Variants in NCALD observed in about 807,000 individuals in gnomAD.
NCALD encodes the protein neurocalcin delta, also known as neurocalcin-delta.
Under a neutral mutation model 18.6 loss-of-function variants are expected in NCALD, and 10 were observed. That is an observed-to-expected ratio of 0.54 (90% confidence interval 0.33 to 0.91). NCALD has a LOEUF of 0.91. Ranked by LOEUF, NCALD falls within the 40% of genes least tolerant of loss-of-function variation. NCALD has a pLI of 0.03. For missense variants in NCALD, 184 were observed against 247.6 expected (o/e 0.74, Z 1.72); for synonymous variants, 88 against 87.4 (o/e 1.01, Z -0.04).
At chr8:101,907,971 T>G (rs1817665649) in intron 3 of NCALD, among the ~76,000 whole-genome samples, 1 of 152,194 alleles carries the variant, frequency 6.6e-6, no homozygotes, top group South Asian at 2.1e-4. Flanking sequence ...CTCCCCCCAT[T>G]CTTTAAAATA....
chr8:101,759,880 G>T lies in NCALD; in HGVS notation c.-20+30982C>A, dbSNP rs1811041485. Reference sequence around the variant, plus strand: ...CACATGGCAGGCTTAGGTAGAGGGAGAGACTGGGCTGATCCCTGATTAAAC... The same window carrying T: ...CACATGGCAGGCTTAGGTAGAGGGATAGACTGGGCTGATCCCTGATTAAAC... On this transcript the variant is annotated intron_variant, in intron 1 of 3. Transcript: ENST00000220931. Among the ~76,000 whole-genome samples the T allele has an allele frequency of 5.9e-5, 9 of 152,302 alleles. No homozygotes were observed. In the South Asian group the frequency reaches 1.7e-3, roughly 28 times the overall value.
chr8:101,689,351 C>T lies in NCALD; in HGVS notation c.540G>A (p.Val180=), dbSNP rs1403040605. 3.7e-6 allele frequency: 6 copies of T among 1,613,504 alleles called. No individual in the cohort carries two copies. The highest frequency in any genetic ancestry group is 4.2e-6 in the Non-Finnish European group (5 of 1,179,820). The change falls in exon 4 of 4, where the codon GTG becomes GTA. Residue 180 remains valine, a synonymous_variant. Transcript: ENST00000220931. The surrounding 1 kb of genome is among the most constrained non-coding windows in gnomAD (Gnocchi z 4.4). ...TGCTCGGGTCGCACTGCAGGAGGCG[C>T]ACAATGGACGGGTCGCTTTTGGCTC... ...IRGAKSDPSI[V]RLLQCDPSSA... is the part of the protein sequence containing the mutation.
chr8:101,745,630 C>G (rs1048583946), intron 1 of NCALD, among the ~76,000 whole-genome samples: 3 of 152,180 alleles, frequency 2.0e-5, no homozygotes, highest in African/African-American at 7.2e-5. Flanking sequence ...TTCCCTAAGT[C>G]TGTTCTGTCC....
At chr8:102,008,969 A>ACACAC (rs1215721845) in intron 2 of NCALD, among the ~76,000 whole-genome samples, 11 of 111,802 alleles carry the variant, frequency 9.8e-5, no homozygotes, top group African/African-American at 3.6e-4. Context: ...CACACACACA[A>ACACAC]GCCCTAAAAG....
At chr8:102,102,163 C>T (rs1475275933) in intron 1 of NCALD, among the ~76,000 whole-genome samples, 1 of 152,150 alleles carries the variant, frequency 6.6e-6, no homozygotes, top group Non-Finnish European at 1.5e-5. Flanking sequence ...ATATTCAATT[C>T]ATTTTAACAA....
chr8:101,864,225 G>A (rs1258660474), intron 4 of NCALD, among the ~76,000 whole-genome samples: 2 of 152,208 alleles, frequency 1.3e-5, no homozygotes, highest in Non-Finnish European at 2.9e-5. Flanking sequence ...CAAGTCACCT[G>A]TGGAGTTGTG....
intron 3 of NCALD, among the ~76,000 whole-genome samples, chr8:101,901,797 T>TC (rs1055881802): frequency 1.3e-5 from 2 of 149,366 alleles, no homozygotes; most frequent in Admixed American, 6.6e-5. Flanking sequence ...TCTTTTCTCT[T>TC]CTTTTTTTTT....
intron 2 of NCALD, among the ~76,000 whole-genome samples, chr8:101,935,391 G>A (rs1818724008): frequency 6.6e-6 from 1 of 152,324 alleles, no homozygotes; most frequent in African/African-American, 2.4e-5. Flanking sequence ...GTTTAAGTAA[G>A]ATGTTAAAAT....
chr8:101,991,301 C>G (rs371602472), intron 2 of NCALD, among the ~76,000 whole-genome samples: 1 of 152,080 alleles, frequency 6.6e-6, no homozygotes, highest in Non-Finnish European at 1.5e-5. Flanking sequence ...CTCATGGAAA[C>G]GCCACCAATG....
At position 102,108,740 on chromosome 8, in the gene NCALD, G is replaced by T. The variant is rs144161463; in HGVS notation, c.-210+15497C>A. On this transcript the variant is annotated intron_variant, in intron 1 of 6. Coordinates refer to the NCALD transcript ENST00000311028. ...CAGAGCAGGTTCACAATAAATGTTT[G>T]TTAAATAGGAATAATAATAATAATG... Among the ~76,000 whole-genome samples, 794 of 152,218 alleles carry T rather than the reference G, an allele frequency of 5.2e-3. 5 individuals are homozygous for T. Among genetic ancestry groups the T allele is most frequent in the African/African-American group, 0.018 (727 of 41,528 alleles).
At position 101,692,779 on chromosome 8, in the gene NCALD, C is replaced by G. The variant is rs1033526961; in HGVS notation, c.484+12G>C. ...CCCATCTGAGCAAAGCAGTGTAGCC[C>G]CCGCCTCCTACCGTCTCTATTGGTG... is the stretch of plus-strand genomic sequence containing the variant. On this transcript the variant is annotated intron_variant, in intron 3 of 3. Coordinates refer to ENST00000220931, the MANE Select transcript of NCALD (RefSeq NM_032041.3). The G allele has an allele frequency of 2.5e-6, 4 of 1,605,440 alleles. No individual in the cohort carries two copies. The highest frequency in any genetic ancestry group is 3.4e-6 in the Non-Finnish European group (4 of 1,172,638).
intron 1 of NCALD, among the ~76,000 whole-genome samples, chr8:102,116,571 C>T (rs1455413603): frequency 3.3e-5 from 5 of 152,242 alleles, no homozygotes; most frequent in Non-Finnish European, 5.9e-5. Flanking sequence ...CCGCCTCCAC[C>T]TCCCGGGCCC....
intron 2 of NCALD, among the ~76,000 whole-genome samples, chr8:101,947,892 T>C (rs370990954): frequency 1.3e-5 from 2 of 152,196 alleles, no homozygotes; most frequent in East Asian, 3.8e-4. Flanking sequence ...GCAAAGGTCC[T>C]GAGGCAAGAG....
At chr8:101,732,345 GCT>G (rs1489842075) in intron 1 of NCALD, among the ~76,000 whole-genome samples, 3 of 152,074 alleles carry the variant, frequency 2.0e-5, no homozygotes, top group Admixed American at 2.0e-4. Flanking sequence ...TATAGGAGGA[GCT>G]CAAGTCCCCA....
intron 1 of NCALD, among the ~76,000 whole-genome samples, chr8:102,029,790 T>G (rs1308236010): frequency 2.0e-5 from 3 of 152,194 alleles, no homozygotes; most frequent in African/African-American, 7.2e-5. Context: ...AGAAATTACA[T>G]TTTGAAGGCA....
intron 2 of NCALD, among the ~76,000 whole-genome samples, chr8:101,916,785 T>C (rs562736834): frequency 3.6e-4 from 55 of 151,966 alleles, no homozygotes; most frequent in African/African-American, 1.3e-3. Context: ...TGATAAAAAG[T>C]TCAATTAAAC....
At chr8:101,746,929 C>T (rs1586384740) in intron 1 of NCALD, among the ~76,000 whole-genome samples, 2 of 152,056 alleles carry the variant, frequency 1.3e-5, no homozygotes, top group Non-Finnish European at 2.9e-5. Context: ...AATTGTTCCT[C>T]TCATTCTCAT....
At chr8:102,078,517 G>T (rs1204721159) in intron 1 of NCALD, among the ~76,000 whole-genome samples, 1 of 152,202 alleles carries the variant, frequency 6.6e-6, no homozygotes, top group Non-Finnish European at 1.5e-5. Context: ...TTTGTGAGAT[G>T]TCCCTACCTC....
chr8:102,005,455 G>T (rs576110640), intron 2 of NCALD, among the ~76,000 whole-genome samples: 1,888 of 152,264 alleles, frequency 0.012, 41 homozygotes, highest in African/African-American at 0.039. Context: ...CAACCATTGT[G>T]GAAGTCAGTG....
Sources: gnomAD v4.1 joint callset for allele counts (sites outside exome capture counted in the v4.1 genomes callset) on GRCh38, gnomAD v4.1.1 for gene constraint, Gnocchi (gnomAD v3.1) non-coding constraint, MANE v1.5 for transcripts, NCBI Gene and HGNC (gene_info 2026-07-23, HGNC 2026-07-21) for gene names.